Variants in HOXC4 observed in about 807,000 individuals in gnomAD.
The protein encoded by HOXC4 is homeobox protein Hox-C4.
A neutral mutation model predicts 25.5 loss-of-function variants in HOXC4; 15 were observed. The ratio of observed to expected loss-of-function variants is 0.59; its 90% CI spans 0.39 to 0.91. HOXC4 has a LOEUF of 0.91. Ranked by LOEUF, HOXC4 falls within the 40% of genes least tolerant of loss-of-function variation. HOXC4 has a pLI of 0.00. For synonymous variants in HOXC4, 165 were observed against 148.0 expected, an observed-to-expected ratio of 1.11 and a Z score of -0.83; for missense variants, 342 against 352.4, an observed-to-expected ratio of 0.97 and a Z score of 0.24.
exon 1 of HOXC4, chr12:54,017,395 G>A (rs938172059): frequency 1.3e-5 from 2 of 152,186 alleles, no homozygotes; most frequent in African/African-American, 4.8e-5. Context: ...GGGAGAGAGG[G>A]AGAGTGACAG....
chr12:54,019,316 G>C (rs1245562778), intron 1 of HOXC4, among the ~76,000 whole-genome samples: 1 of 152,124 alleles, frequency 6.6e-6, no homozygotes, highest in Non-Finnish European at 1.5e-5. Context: ...AGGCTGCCGC[G>C]CGCTCTCCCG....
At chr12:54,031,538 C>T (rs1346527542) in intron 1 of HOXC4, among the ~76,000 whole-genome samples, 1 of 152,176 alleles carries the variant, frequency 6.6e-6, no homozygotes, top group South Asian at 2.1e-4. Context: ...GGAGCGCAGC[C>T]GGACCCTAAC....
chr12:54,032,627 G>T (rs1356703274), intron 1 of HOXC4, among the ~76,000 whole-genome samples: 2 of 152,162 alleles, frequency 1.3e-5, no homozygotes, highest in Non-Finnish European at 2.9e-5. Context: ...ATTTTAAATA[G>T]AATTTAAAAG....
At chr12:54,028,892 C>A (rs768769275) in intron 1 of HOXC4, 12 of 1,612,358 alleles carry the variant, frequency 7.4e-6, no homozygotes, top group Non-Finnish European at 1.0e-5. Context: ...CAGATTTACC[C>A]CTGGATGCAG....
At chr12:54,018,033 G>T (rs1015656997) in intron 1 of HOXC4, among the ~76,000 whole-genome samples, 7 of 152,210 alleles carry the variant, frequency 4.6e-5, no homozygotes, top group African/African-American at 1.2e-4. Flanking sequence ...TGGCAATTAG[G>T]GGGGAGGCTG....
intron 1 of HOXC4, among the ~76,000 whole-genome samples, chr12:54,022,891 G>C (rs1009507290): frequency 2.0e-5 from 3 of 152,198 alleles, no homozygotes; most frequent in Non-Finnish European, 4.4e-5. Context: ...GAAGCCAGGA[G>C]GCTGGGGATC....
intron 1 of HOXC4, among the ~76,000 whole-genome samples, chr12:54,040,714 G>A (rs1047402070): frequency 6.6e-6 from 1 of 152,172 alleles, no homozygotes; most frequent in African/African-American, 2.4e-5. Flanking sequence ...TCAAATTCTG[G>A]CTGTGATTAT....
At chr12:54,025,954 A>T (rs183467932) in intron 1 of HOXC4, among the ~76,000 whole-genome samples, 50 of 152,154 alleles carry the variant, frequency 3.3e-4, no homozygotes, top group African/African-American at 1.1e-3. Flanking sequence ...CCACCCAGAC[A>T]TAAAAGAGAT....
chr12:54,052,227 G>A (rs1937861967), upstream of HOXC4, among the ~76,000 whole-genome samples: 1 of 152,178 alleles, frequency 6.6e-6, no homozygotes, highest in African/African-American at 2.4e-5. Flanking sequence ...CCAGCCCTGC[G>A]CCGCCGCCGA....
At chr12:54,027,785 C>T (rs1004943639) in intron 1 of HOXC4, among the ~76,000 whole-genome samples, 2 of 152,166 alleles carry the variant, frequency 1.3e-5, no homozygotes, top group African/African-American at 2.4e-5. Context: ...GCCACTGTAC[C>T]CTGAAGTCTT....
chr12:54,023,622 C>T lies in HOXC4; in HGVS notation c.-124+6208C>T, dbSNP rs138309212. Among the ~76,000 whole-genome samples, 656 of 152,310 alleles carry T rather than the reference C, an allele frequency of 4.3e-3. 5 individuals are homozygous for T. The highest frequency in any genetic ancestry group is 0.015 in the African/African-American group (630 of 41,572). ...AATCTGCCCTCTTCCTCCTTTCCCC[C>T]TCCCTGCTGATCCCCAGCTCCCTTC... On this transcript the variant is annotated intron_variant, in intron 1 of 3. Transcript: ENST00000303406.
intron 1 of HOXC4, among the ~76,000 whole-genome samples, chr12:54,043,595 C>T (rs543316946): frequency 6.6e-6 from 1 of 151,836 alleles, no homozygotes; most frequent in East Asian, 1.9e-4. Flanking sequence ...ACCCCACCCC[C>T]ACCCCTCAAG....
chr12:54,034,206 G>T, intron 1 of HOXC4: 1 of 1,400,340 alleles, frequency 7.1e-7, no homozygotes, highest in Non-Finnish European at 1.0e-6. Context: ...GGGGGCCTGG[G>T]CTGGGGTGGG....
At chr12:54,042,406 A>G (rs1036559603) in intron 1 of HOXC4, among the ~76,000 whole-genome samples, 2 of 152,228 alleles carry the variant, frequency 1.3e-5, no homozygotes, top group Non-Finnish European at 2.9e-5. Flanking sequence ...ACCAGATCTC[A>G]TGAAGAGTTA....
intron 1 of HOXC4, among the ~76,000 whole-genome samples, chr12:54,019,190 C>T (rs996260059): frequency 7.0e-6 from 1 of 143,374 alleles, no homozygotes; most frequent in African/African-American, 2.5e-5. Flanking sequence ...CCCCCACCCC[C>T]AGTAGGACTT....
At chr12:54,052,869 T>C (rs1937880443), upstream of HOXC4, among the ~76,000 whole-genome samples, 1 of 152,144 alleles carries the variant, frequency 6.6e-6, no homozygotes, top group Non-Finnish European at 1.5e-5. Flanking sequence ...CACACAGGCC[T>C]CCCTCTTAGC....
intron 1 of HOXC4, 138 bp downstream of exon 1, chr12:54,054,499 A>C: frequency 1.6e-6 from 1 of 631,558 alleles, no homozygotes; most frequent in Non-Finnish European, 2.8e-6. Flanking sequence ...GGTTAGCACA[A>C]TTGAACTGGA....
At position 54,033,324 on chromosome 12, in the gene HOXC4, C is replaced by T. The variant is rs200703154; in HGVS notation, c.-124+15910C>T. 1.5e-5 allele frequency: 24 copies of T among 1,613,738 alleles called. No homozygotes were observed. The African/African-American group carries it at 1.9e-4, about 13-fold the overall frequency. ...CGGGGTAGACATGGCTGCCAACCCC[C>T]GGGCTCACCCCGACCGCCCCGCCTG... is the stretch of plus-strand genomic sequence containing the variant. On this transcript the variant is annotated intron_variant, in intron 1 of 3. Coordinates refer to the HOXC4 transcript ENST00000303406.
At chr12:54,033,517 G>T in intron 1 of HOXC4, 2 of 1,578,230 alleles carry the variant, frequency 1.3e-6, no homozygotes. Context: ...GCCGGACTGA[G>T]CCAGCCACCG....
Sources: allele counts gnomAD v4.1 joint callset (sites outside exome capture counted in the v4.1 genomes callset), GRCh38; gene constraint gnomAD v4.1.1; transcripts MANE v1.5; gene names NCBI Gene and HGNC (gene_info 2026-07-23, HGNC 2026-07-21).